Variants in PHTF1 observed in about 807,000 individuals in gnomAD.
PHTF1 encodes the protein putative homeodomain transcription factor 1.
In PHTF1, 88 loss-of-function variants were observed where a neutral mutation model predicts 102.4. The observed-to-expected ratio is 0.86, with a 90% CI of 0.72 to 1.03. PHTF1 has a LOEUF of 1.03. Among genes scored for constraint, PHTF1 ranks in the 50% least tolerant of loss-of-function variants. The pLI, the probability that PHTF1 is intolerant of heterozygous loss-of-function variation, is 0.00. For missense variants in PHTF1, 814 were observed against 909.5 expected (o/e 0.89, Z 1.35); for synonymous variants, 289 against 305.2 (o/e 0.95, Z 0.55).
intron 1 of PHTF1, 112 bp downstream of exon 1, chr1:113,758,911 A>T: frequency 8.2e-7 from 1 of 1,219,456 alleles, no homozygotes; most frequent in Non-Finnish European, 1.0e-6. Flanking sequence ...CGACCGGAGA[A>T]GCCTCTGCAA....
In PHTF1 at chr1:113,724,775, T is replaced by A. The variant is rs1290019914; in HGVS notation, c.607A>T (p.Thr203Ser). The A allele has an allele frequency of 1.1e-5, 17 of 1,598,892 alleles. No homozygotes were observed. Among genetic ancestry groups the A allele is most frequent in the Non-Finnish European group, 1.4e-5 (17 of 1,175,780 alleles). Residue 203 changes from threonine to serine, a missense_variant, in exon 7 of 19, where the codon ACT becomes TCT. By Grantham distance (58) the Thr-to-Ser change is moderately conservative (BLOSUM62 1). Transcript: ENST00000369604. ...SVPIIGGFWETIFGNRIKRVK... is the reference protein window; with the variant it reads ...SVPIIGGFWESIFGNRIKRVK... ...GACTCCCACCTGTTGCCAAAGATAG[T>A]CTCCCAAAAACCACCAATAATGGGT...
chr1:113,734,922 G>C (rs930210324), intron 5 of PHTF1, among the ~76,000 whole-genome samples: 1 of 152,134 alleles, frequency 6.6e-6, no homozygotes, highest in Non-Finnish European at 1.5e-5. Context: ...CTGGCACCTT[G>C]ATCCTGGACT....
At chr1:113,757,607 G>A in intron 3 of PHTF1, 92 bp downstream of exon 3, 1 of 804,090 alleles carries the variant, frequency 1.2e-6, no homozygotes, top group South Asian at 1.4e-5. Flanking sequence ...ATGCCATACT[G>A]GTAGTTAAAT....
chr1:113,757,456 C>T (rs1659052022), intron 3 of PHTF1, among the ~76,000 whole-genome samples: 1 of 152,216 alleles, frequency 6.6e-6, no homozygotes, highest in Non-Finnish European at 1.5e-5. Context: ...AACCCCAGCC[C>T]TATTTATATG....
intron 10 of PHTF1, 29 bp from the exon 11 acceptor site, chr1:113,710,504 G>A (rs1441018545): frequency 6.7e-7 from 1 of 1,499,466 alleles, no homozygotes; most frequent in Non-Finnish European, 9.3e-7. Flanking sequence ...AGCAAAAAAT[G>A]TTATTCATCT....
At chr1:113,736,935 A>AG (rs765385910) in intron 5 of PHTF1, among the ~76,000 whole-genome samples, 6 of 152,230 alleles carry the variant, frequency 3.9e-5, no homozygotes, top group Non-Finnish European at 5.9e-5. Context: ...AAGTCACTAC[A>AG]GGGTTTTAAG....
chr1:113,706,516 C>T (rs1439614477), intron 12 of PHTF1, 78 bp downstream of exon 12: 1 of 1,134,880 alleles, frequency 8.8e-7, no homozygotes, highest in African/African-American at 1.6e-5. Context: ...CTGTTTTAAT[C>T]ACTAAGAGAT....
At chr1:113,723,688 A>G (rs983688929) in intron 7 of PHTF1, among the ~76,000 whole-genome samples, 3 of 152,250 alleles carry the variant, frequency 2.0e-5, no homozygotes, top group Non-Finnish European at 2.9e-5. Context: ...AGAAAACATT[A>G]GGGAAACTCT....
chr1:113,710,602 C>A lies in PHTF1; in HGVS notation c.1048-127G>T, dbSNP rs541476262. ...CTTCAGAAGTCAATCACCATGAATTCATTTTTTCACAGGGCTTCACGTAAC... is the reference window on the plus strand; with the variant it reads ...CTTCAGAAGTCAATCACCATGAATTAATTTTTTCACAGGGCTTCACGTAAC... On this transcript the variant is annotated intron_variant, in intron 10 of 18. Coordinates refer to ENST00000369604, the MANE Select transcript of PHTF1 (RefSeq NM_001323043.2). 66 of 664,176 alleles carry A rather than the reference C, an allele frequency of 9.9e-5. 1 individual carries two copies. The South Asian group carries it at 1.2e-3, about 12-fold the overall frequency. 41.1% of individuals were successfully genotyped at this position (664,176 alleles called of 1,614,324 possible).
chr1:113,721,255 A>G (rs1652894699), intron 7 of PHTF1, among the ~76,000 whole-genome samples: 1 of 152,260 alleles, frequency 6.6e-6, no homozygotes, highest in South Asian at 2.1e-4. Context: ...GAAAAAAACC[A>G]TATAATCATT....
chr1:113,721,610 T>A (rs980033266), intron 7 of PHTF1, among the ~76,000 whole-genome samples: 2 of 152,208 alleles, frequency 1.3e-5, no homozygotes, highest in African/African-American at 4.8e-5. Context: ...TGGAAAAACC[T>A]ACAGATTCCA....
chr1:113,734,366 A>G (rs1655160932), intron 5 of PHTF1, among the ~76,000 whole-genome samples: 1 of 152,224 alleles, frequency 6.6e-6, no homozygotes, highest in African/African-American at 2.4e-5. Context: ...TGAACAGACT[A>G]TTGGTAAAAT....
At chr1:113,706,977 C>T (rs1486943774) in intron 11 of PHTF1, among the ~76,000 whole-genome samples, 1 of 150,896 alleles carries the variant, frequency 6.6e-6, no homozygotes, top group Non-Finnish European at 1.5e-5. Context: ...GTAGCAAGGA[C>T]CATAGGCACA....
intron 3 of PHTF1, among the ~76,000 whole-genome samples, chr1:113,741,894 C>T (rs549323625): frequency 6.6e-6 from 1 of 152,188 alleles, no homozygotes. Flanking sequence ...CATTAATAAA[C>T]TTATGACTAC....
At chr1:113,723,823 C>T (rs1017525003) in intron 7 of PHTF1, among the ~76,000 whole-genome samples, 1 of 152,106 alleles carries the variant, frequency 6.6e-6, no homozygotes, top group African/African-American at 2.4e-5. Context: ...AAACAATCAA[C>T]CAAGTGAAAA....
chr1:113,710,808 ATATTTTTTT>A (rs1650972724), intron 10 of PHTF1, among the ~76,000 whole-genome samples: 2 of 89,874 alleles, frequency 2.2e-5, no homozygotes, highest in African/African-American at 7.8e-5. Context: ...ATATATATAT[ATATTTTTTT>A]TTTTTTTTTG....
chr1:113,725,017 A>G (rs1653611975), intron 6 of PHTF1, 124 bp from the exon 7 acceptor site: 3 of 695,840 alleles, frequency 4.3e-6, no homozygotes, highest in Non-Finnish European at 6.8e-6. Context: ...TTAACTTCAT[A>G]TTCTGCGGAT....
chr1:113,729,277 G>A (rs1025769004), intron 5 of PHTF1, among the ~76,000 whole-genome samples: 1 of 152,178 alleles, frequency 6.6e-6, no homozygotes, highest in African/African-American at 2.4e-5. Context: ...GAAGGGTAGT[G>A]GGGGTGGAGT....
At chr1:113,711,646 T>C (rs1651102920) in intron 10 of PHTF1, 100 bp downstream of exon 10, 2 of 833,380 alleles carry the variant, frequency 2.4e-6, no homozygotes, top group African/African-American at 1.7e-5. Context: ...GGCTGGCAAA[T>C]ATTAATGTAA....
Sources: allele counts gnomAD v4.1 joint callset (sites outside exome capture counted in the v4.1 genomes callset), GRCh38; gene constraint gnomAD v4.1.1; transcripts MANE v1.5; gene names NCBI Gene and HGNC (gene_info 2026-07-23, HGNC 2026-07-21).